Variants in TRAPPC6A observed in about 807,000 individuals in gnomAD.
TRAPPC6A encodes the protein trafficking protein particle complex subunit 6A.
TRAPPC6A carries 25 observed loss-of-function variants against 20.8 expected under a neutral mutation model. The ratio of observed to expected loss-of-function variants is 1.20; its 90% CI spans 0.88 to 1.68. TRAPPC6A has a LOEUF of 1.68. Ranked by LOEUF, TRAPPC6A falls within the 40% of genes most tolerant of loss-of-function variation. TRAPPC6A has a pLI of 0.00. For synonymous variants in TRAPPC6A, 96 were observed against 93.3 expected (o/e 1.03, Z -0.16); for missense variants, 215 against 211.6 (o/e 1.02, Z -0.10).
In TRAPPC6A at chr19:45,165,573, T is replaced by C. The variant is rs1969134335; in HGVS notation, c.85-379A>G. On this transcript the variant is annotated intron_variant, in intron 1 of 5. Coordinates refer to ENST00000585934, the MANE Select transcript of TRAPPC6A (RefSeq NM_001270891.2). The stretch of plus-strand genomic sequence containing the variant: ...CGAACCCTCACAATGCCCTGGGAAG[T>C]GGGCGCTGCGACTCCACCAAGATGC... Among the ~76,000 whole-genome samples, 3 of 152,098 alleles carry C rather than the reference T, an allele frequency of 2.0e-5. No homozygotes were observed. In the South Asian group the frequency reaches 6.2e-4, roughly 32 times the overall value.
In TRAPPC6A at chr19:45,163,678, C is replaced by T. The variant is rs769052062; in HGVS notation, c.448+238G>A. Among the ~76,000 whole-genome samples, 50 of 152,272 alleles carry T rather than the reference C, an allele frequency of 3.3e-4. No individual in the cohort carries two copies. The highest frequency in any genetic ancestry group is 1.4e-3 in the South Asian group (7 of 4,828). On this transcript the variant is annotated intron_variant, in intron 5 of 5. Transcript: ENST00000585934. The surrounding 1 kb of genome is among the most constrained non-coding windows in gnomAD (Gnocchi z 5.3). ...GGATCAGTGAGGATAACTTCTATTG[C>T]GTCCACCTCGGCTCCCATGCTGGGA... is the stretch of plus-strand genomic sequence containing the variant.
chr19:45,172,357 G>A lies in TRAPPC6A; in HGVS notation c.84+5778C>T, dbSNP rs551980864. Among the ~76,000 whole-genome samples the A allele has an allele frequency of 6.6e-6, 1 of 151,708 alleles. No homozygotes were observed. The highest frequency in any genetic ancestry group is 1.9e-4 in the East Asian group (1 of 5,194). ...CTGCCCTGAACTGGGAGGGAGGCGG[G>A]TGGGGGCCATGTGCTCCACCCCTTC... On this transcript the variant is annotated intron_variant, in intron 1 of 5. Transcript: ENST00000585934. The surrounding 1 kb of genome is among the most constrained non-coding windows in gnomAD (Gnocchi z 4.2).
At chr19:45,164,401 T>C (rs913865223) in intron 3 of TRAPPC6A, among the ~76,000 whole-genome samples, 154 bp from the exon 4 acceptor site, 4 of 152,076 alleles carry the variant, frequency 2.6e-5, no homozygotes, top group African/African-American at 4.8e-5. Context: ...TCCAGTGCTC[T>C]GGTAGGGCCC....
chr19:45,178,053 C>G (rs377167332), intron 1 of TRAPPC6A, 82 bp downstream of exon 1: 16 of 1,599,270 alleles, frequency 1.0e-5, no homozygotes, highest in African/African-American at 5.4e-5. Flanking sequence ...GGTTCGAACC[C>G]GGACGCCTGA....
chr19:45,167,930 C>T (rs888608970), intron 1 of TRAPPC6A, among the ~76,000 whole-genome samples: 24 of 151,092 alleles, frequency 1.6e-4, no homozygotes, highest in African/African-American at 4.1e-4. Flanking sequence ...CCCAGGAGGT[C>T]GCTACTGCAG....
chr19:45,178,222 C>A lies in TRAPPC6A; in HGVS notation c.-4G>T. Reference sequence around the variant, plus strand: ...CAAACAACACAGTATCCGCCATGCCCCCTCCTCGCACGCCTAAAGATGCGC... The same window carrying A: ...CAAACAACACAGTATCCGCCATGCCACCTCCTCGCACGCCTAAAGATGCGC... On this transcript the variant is annotated 5_prime_UTR_variant, in exon 1 of 6. Coordinates refer to ENST00000585934, the MANE Select transcript of TRAPPC6A (RefSeq NM_001270891.2). 6.3e-7 allele frequency: 1 copy of A among 1,591,568 alleles called. No individual in the cohort carries two copies. Among genetic ancestry groups the A allele is most frequent in the South Asian group, 1.1e-5 (1 of 89,594 alleles).
intron 1 of TRAPPC6A, among the ~76,000 whole-genome samples, chr19:45,168,791 G>A (rs925648590): frequency 1.3e-5 from 2 of 152,180 alleles, no homozygotes; most frequent in African/African-American, 4.8e-5. Flanking sequence ...CCCTCAGCAC[G>A]GGACTGTCTT....
chr19:45,164,666 C>T (rs1969104478), intron 3 of TRAPPC6A, 187 bp downstream of exon 3: 1 of 618,310 alleles, frequency 1.6e-6, no homozygotes, highest in Non-Finnish European at 2.9e-6. Context: ...CCGGAAACAC[C>T]CCCTATGCCC....
intron 1 of TRAPPC6A, among the ~76,000 whole-genome samples, chr19:45,174,028 C>T (rs907277678): frequency 4.6e-5 from 7 of 152,130 alleles, no homozygotes; most frequent in East Asian, 1.9e-4. Flanking sequence ...TTCCCACACT[C>T]GCTTGACCAC....
Position 45,163,175 on chromosome 19 carries a change from G to A in TRAPPC6A, c.*17C>T. 1 of 1,613,878 alleles carries A rather than the reference G, an allele frequency of 6.2e-7. No individual in the cohort carries two copies. Among genetic ancestry groups the A allele is most frequent in the East Asian group, 2.2e-5 (1 of 44,874 alleles). ...AGGCCAGGGGCAGCAGTGCGGCTCA[G>A]CAGGTGCGAGGCAGGCTTAGGATTT... On this transcript the variant is annotated 3_prime_UTR_variant, in exon 6 of 6. Transcript: ENST00000585934. The surrounding 1 kb of genome is among the most constrained non-coding windows in gnomAD (Gnocchi z 5.3).
chr19:45,166,384 T>C (rs868547433), intron 1 of TRAPPC6A, among the ~76,000 whole-genome samples: 1 of 149,208 alleles, frequency 6.7e-6, no homozygotes, highest in African/African-American at 2.5e-5. Flanking sequence ...AATTTTTGTA[T>C]TTTTGGTAGA....
In TRAPPC6A at chr19:45,164,898, C is replaced by G; in HGVS notation, c.225G>C (p.Val75=). ...VLKFLCKDLW[V]AVFQKQMDSL... ...TGTCCATCTGCTTCTGGAACACCGC[C>G]ACCCACAGGTCTTTGCACAAGAACT... The change falls in exon 3 of 6, where the codon GTG becomes GTC. Residue 75 remains valine (V), a synonymous_variant. Transcript: ENST00000585934. 1 of 1,614,146 alleles carries G rather than the reference C, an allele frequency of 6.2e-7. No individual in the cohort carries two copies. Among genetic ancestry groups the G allele is most frequent in the Non-Finnish European group, 8.5e-7 (1 of 1,179,996 alleles).
At position 45,176,000 on chromosome 19, in the gene TRAPPC6A, A is replaced by C. The variant is rs371169722; in HGVS notation, c.84+2135T>G. On this transcript the variant is annotated intron_variant, in intron 1 of 5. Coordinates refer to ENST00000585934, the MANE Select transcript of TRAPPC6A (RefSeq NM_001270891.2). Reference sequence around the variant, plus strand: ...TTTGATGGTTCACTGAGTAATCCCCATGTTTTTTTAGAGACAGGGTCTCAC... The same window carrying C: ...TTTGATGGTTCACTGAGTAATCCCCCTGTTTTTTTAGAGACAGGGTCTCAC... Among the ~76,000 whole-genome samples, 46 of 152,048 alleles carry C rather than the reference A, an allele frequency of 3.0e-4. 1 individual carries two copies. The highest frequency in any genetic ancestry group is 1.1e-3 in the African/African-American group (44 of 41,474).
intron 1 of TRAPPC6A, among the ~76,000 whole-genome samples, chr19:45,165,601 C>T (rs1438176696): frequency 6.6e-6 from 1 of 152,232 alleles, no homozygotes; most frequent in Non-Finnish European, 1.5e-5. Flanking sequence ...CAAGATGCTC[C>T]AGGTGACCTG....
At chr19:45,177,944 C>T in intron 1 of TRAPPC6A, 191 bp downstream of exon 1, 1 of 1,063,668 alleles carries the variant, frequency 9.4e-7, no homozygotes, top group East Asian at 2.6e-5. Context: ...TCATCGCGCT[C>T]AATTTAGCAA....
chr19:45,163,919 C>T lies in TRAPPC6A; in HGVS notation c.445G>A (p.Val149Ile), dbSNP rs777403161. ...VVTASVAALP[V>I]CKFQVVIPKS The stretch of plus-strand genomic sequence containing the variant: ...CCCCCCACCCCCCATGACTCACAGA[C>T]GGGCAGGGCTGCCACGGAGGCGGTG... Residue 149 changes from valine to isoleucine, a missense_variant, in exon 5 of 6, where the codon GTC becomes ATC. Coordinates refer to ENST00000585934, the MANE Select transcript of TRAPPC6A (RefSeq NM_001270891.2). The surrounding 1 kb of genome is among the most constrained non-coding windows in gnomAD (Gnocchi z 5.3). The T allele has an allele frequency of 1.0e-4, 165 of 1,574,394 alleles. No individual in the cohort carries two copies. The highest frequency in any genetic ancestry group is 1.3e-4 in the Non-Finnish European group (152 of 1,159,794).
rs1353054959 is a variant in TRAPPC6A at position 45,162,967 on chromosome 19, G to A, written c.*225C>T. 2 of 435,862 alleles carry A rather than the reference G, an allele frequency of 4.6e-6. No homozygotes were observed. The highest frequency in any genetic ancestry group is 8.1e-6 in the Non-Finnish European group (2 of 245,794). The allele number at this position is 435,862 out of a possible 1,614,324, so 27.0% of individuals were successfully genotyped here. The stretch of plus-strand genomic sequence containing the variant: ...CACAGCCTTTATTGAGCAGCTACTG[G>A]GCAGTGACGCTGCCGAGGCGGGAAT... On this transcript the variant is annotated 3_prime_UTR_variant, in exon 6 of 6. Coordinates refer to ENST00000585934, the MANE Select transcript of TRAPPC6A (RefSeq NM_001270891.2).
intron 1 of TRAPPC6A, among the ~76,000 whole-genome samples, chr19:45,177,904 C>G (rs565219192): frequency 6.6e-6 from 1 of 152,360 alleles, no homozygotes; most frequent in Non-Finnish European, 1.5e-5. Context: ...GCCGCTTACT[C>G]AGGCCTTGAG....
At chr19:45,177,475 G>C (rs773191585) in intron 1 of TRAPPC6A, among the ~76,000 whole-genome samples, 6 of 152,100 alleles carry the variant, frequency 3.9e-5, no homozygotes, top group Non-Finnish European at 8.8e-5. Context: ...CGAGTAGCTG[G>C]GATTACAGGT....
Sources: allele counts gnomAD v4.1 joint callset (sites outside exome capture counted in the v4.1 genomes callset), GRCh38; gene constraint gnomAD v4.1.1; non-coding constraint Gnocchi (gnomAD v3.1); transcripts MANE v1.5; gene names NCBI Gene and HGNC (gene_info 2026-07-23, HGNC 2026-07-21).